The following MAPKAP1 variants were observed in gnomAD, a reference collection of about 807,000 sequenced individuals.
MAPKAP1 encodes the protein MAPK associated protein 1.
MAPKAP1 carries 20 observed loss-of-function variants against 65.7 expected under a neutral mutation model. The ratio of observed to expected loss-of-function variants is 0.30; its 90% CI spans 0.21 to 0.44. The LOEUF (loss-of-function observed/expected upper bound fraction) is 0.44, where lower values mean the gene tolerates loss of function less well. Ranked by LOEUF, MAPKAP1 falls within the 20% of genes least tolerant of loss-of-function variation. The pLI, the probability that MAPKAP1 is intolerant of heterozygous loss-of-function variation, is 1.00. For synonymous variants in MAPKAP1, 222 were observed against 244.3 expected (o/e 0.91, Z 0.85); for missense variants, 423 against 648.0 (o/e 0.65, Z 3.77).
chr9:125,565,262 G>A (rs1589292095), intron 5 of MAPKAP1: 1 of 152,256 alleles, frequency 6.6e-6, no homozygotes, highest in South Asian at 2.1e-4. Flanking sequence ...AGCGACAGAA[G>A]CCTGTAGCCC....
chr9:125,540,512 G>C (rs939234183), intron 7 of MAPKAP1, among the ~76,000 whole-genome samples: 1 of 152,214 alleles, frequency 6.6e-6, no homozygotes, highest in African/African-American at 2.4e-5. Flanking sequence ...ATTTGAACTG[G>C]TATTTCCCCC....
intron 5 of MAPKAP1, among the ~76,000 whole-genome samples, chr9:125,577,005 C>T (rs1382398689): frequency 2.0e-5 from 3 of 151,592 alleles, no homozygotes; most frequent in African/African-American, 7.3e-5. Flanking sequence ...AGGAGCCCCT[C>T]TGCCTGGCTG....
At chr9:125,645,180 C>G (rs961382395) in intron 4 of MAPKAP1, among the ~76,000 whole-genome samples, 9 of 152,164 alleles carry the variant, frequency 5.9e-5, no homozygotes, top group Non-Finnish European at 1.3e-4. Flanking sequence ...GAAGAGCAGG[C>G]CTCTGCCCAG....
chr9:125,464,374 C>G (rs1853606477), intron 10 of MAPKAP1, among the ~76,000 whole-genome samples: 1 of 152,076 alleles, frequency 6.6e-6, no homozygotes, highest in Non-Finnish European at 1.5e-5. Flanking sequence ...AAAATCAATT[C>G]ACCTTTTAGG....
At chr9:125,656,856 T>C (rs927228069) in intron 4 of MAPKAP1, among the ~76,000 whole-genome samples, 6 of 152,016 alleles carry the variant, frequency 3.9e-5, no homozygotes, top group South Asian at 2.1e-4. Context: ...AGGCAGGGGG[T>C]TGGGGAAGGG....
intron 6 of MAPKAP1, among the ~76,000 whole-genome samples, chr9:125,549,683 G>A (rs2133189362): frequency 6.6e-6 from 1 of 152,226 alleles, no homozygotes; most frequent in Middle Eastern, 3.4e-3. Flanking sequence ...GTGTATCTTT[G>A]CCAGAGTCCT....
At chr9:125,586,066 G>A (rs995534907) in intron 4 of MAPKAP1, among the ~76,000 whole-genome samples, 2 of 152,114 alleles carry the variant, frequency 1.3e-5, no homozygotes, top group Non-Finnish European at 2.9e-5. Flanking sequence ...TTAGCACTGG[G>A]TGCCTCTCTG....
chr9:125,631,731 A>T (rs988854557), intron 4 of MAPKAP1, among the ~76,000 whole-genome samples: 10 of 152,120 alleles, frequency 6.6e-5, no homozygotes, highest in Non-Finnish European at 1.5e-4. Context: ...CATTCCAGTC[A>T]TACCCTACTA....
chr9:125,485,855 T>C (rs1854486329), intron 8 of MAPKAP1, among the ~76,000 whole-genome samples: 1 of 152,204 alleles, frequency 6.6e-6, no homozygotes, highest in Non-Finnish European at 1.5e-5. Flanking sequence ...ACTTTATCTC[T>C]CTGAATTTCA....
At chr9:125,526,369 G>A (rs1259734592) in intron 7 of MAPKAP1, among the ~76,000 whole-genome samples, 1 of 152,174 alleles carries the variant, frequency 6.6e-6, no homozygotes, top group Non-Finnish European at 1.5e-5. Flanking sequence ...TTATGGAAAA[G>A]CAGCTGTTTT....
intron 4 of MAPKAP1, among the ~76,000 whole-genome samples, chr9:125,644,093 G>A (rs1833655807): frequency 6.6e-6 from 1 of 152,142 alleles, no homozygotes. Context: ...CCCCAAAAGA[G>A]GTTAAGAGGG....
At chr9:125,693,731 A>ATATATACACATATATACACG (rs1835284143) in intron 1 of MAPKAP1, among the ~76,000 whole-genome samples, 3 of 138,258 alleles carry the variant, frequency 2.2e-5, no homozygotes, top group Admixed American at 7.2e-5. Flanking sequence ...GTATATACAC[A>ATATATACACATATATACACG]TATATACACG....
chr9:125,671,240 A>G (rs1356586557), intron 2 of MAPKAP1, among the ~76,000 whole-genome samples: 2 of 152,206 alleles, frequency 1.3e-5, no homozygotes, highest in East Asian at 3.8e-4. Context: ...TTTTGACAAA[A>G]GTTCCTTTAG....
chr9:125,443,999 C>T (rs573174225), intron 11 of MAPKAP1, among the ~76,000 whole-genome samples: 9 of 152,188 alleles, frequency 5.9e-5, no homozygotes, highest in Non-Finnish European at 8.8e-5. Context: ...CATCCCAGGC[C>T]GTGGCCAGGC....
intron 4 of MAPKAP1, among the ~76,000 whole-genome samples, chr9:125,604,985 C>T (rs1716170368): frequency 6.6e-6 from 1 of 152,172 alleles, no homozygotes; most frequent in African/African-American, 2.4e-5. Flanking sequence ...AAATGCAATG[C>T]TGACAGTGGG....
At chr9:125,512,020 T>C (rs1829315586) in intron 7 of MAPKAP1, among the ~76,000 whole-genome samples, 1 of 152,378 alleles carries the variant, frequency 6.6e-6, no homozygotes, top group African/African-American at 2.4e-5. Flanking sequence ...AGGATTTTTA[T>C]GGGATTTTGT....
At chr9:125,452,748 CG>C (rs928318531) in intron 10 of MAPKAP1, among the ~76,000 whole-genome samples, 1 of 151,800 alleles carries the variant, frequency 6.6e-6, no homozygotes, top group Non-Finnish European at 1.5e-5. Flanking sequence ...AAAAACTAGC[CG>C]GGTGTGGTGG....
At chr9:125,653,687 G>C (rs781437587) in intron 4 of MAPKAP1, among the ~76,000 whole-genome samples, 5 of 152,176 alleles carry the variant, frequency 3.3e-5, no homozygotes, top group African/African-American at 1.2e-4. Flanking sequence ...AAGTCACACC[G>C]TAAGTGGAGC....
chr9:125,599,221 C>G (rs1832231588), intron 4 of MAPKAP1, among the ~76,000 whole-genome samples: 1 of 152,092 alleles, frequency 6.6e-6, no homozygotes, highest in Non-Finnish European at 1.5e-5. Context: ...AGGGTCATCC[C>G]CTTTGAAATA....
Sources: gnomAD v4.1 joint callset for allele counts (sites outside exome capture counted in the v4.1 genomes callset) on GRCh38, gnomAD v4.1.1 for gene constraint, MANE v1.5 for transcripts, NCBI Gene and HGNC (gene_info 2026-07-23, HGNC 2026-07-21) for gene names.